The following MSI2 variants were observed in gnomAD, a reference collection of about 807,000 sequenced individuals.
MSI2 encodes the protein RNA-binding protein Musashi homolog 2.
MSI2 carries 17 observed loss-of-function variants against 45.6 expected under a neutral mutation model. The ratio of observed to expected loss-of-function variants is 0.37; its 90% CI spans 0.26 to 0.56. The LOEUF (loss-of-function observed/expected upper bound fraction) is 0.56, where lower values mean the gene tolerates loss of function less well. Among genes scored for constraint, MSI2 ranks in the 20% least tolerant of loss-of-function variants. The pLI is 0.77. For synonymous variants in MSI2, 156 were observed against 158.2 expected, an observed-to-expected ratio of 0.99 and a Z score of 0.11; for missense variants, 293 against 444.2, an observed-to-expected ratio of 0.66 and a Z score of 3.06.
intron 9 of MSI2, 112 bp downstream of exon 9, chr17:57,616,196 A>C (rs1022666738): frequency 1.8e-4 from 132 of 726,110 alleles, no homozygotes; most frequent in Admixed American, 5.9e-4. Flanking sequence ...TCTAAGCCTC[A>C]GTTTCCTTGT....
chr17:57,538,069 T>C (rs2086958828), intron 7 of MSI2, among the ~76,000 whole-genome samples: 1 of 151,926 alleles, frequency 6.6e-6, no homozygotes, highest in Non-Finnish European at 1.5e-5. Context: ...AATCTTTTGT[T>C]TGGTCCTGTT....
At chr17:57,544,730 T>C (rs2087125937) in intron 7 of MSI2, among the ~76,000 whole-genome samples, 1 of 152,208 alleles carries the variant, frequency 6.6e-6, no homozygotes, top group Non-Finnish European at 1.5e-5. Context: ...AAATGGAAAT[T>C]GGACTGTTCT....
chr17:57,391,021 A>G (rs2083781230), intron 5 of MSI2, among the ~76,000 whole-genome samples: 1 of 152,174 alleles, frequency 6.6e-6, no homozygotes, highest in South Asian at 2.1e-4. Flanking sequence ...TTTGTGTAGA[A>G]ACCATTTTCC....
At chr17:57,691,634 T>A in the MSI2 span, among the ~76,000 whole-genome samples, 82 of 152,360 alleles carry the variant, frequency 5.4e-4, no homozygotes, top group African/African-American at 1.8e-3. Flanking sequence ...TAAAATTTTT[T>A]AAATTCCAAT....
At chr17:57,474,505 A>T (rs1044950238) in intron 6 of MSI2, among the ~76,000 whole-genome samples, 4 of 151,988 alleles carry the variant, frequency 2.6e-5, no homozygotes, top group Non-Finnish European at 5.9e-5. Context: ...GCCTTTACTC[A>T]CTACCTGCCA....
intron 6 of MSI2, among the ~76,000 whole-genome samples, chr17:57,471,384 G>A (rs929734096): frequency 4.1e-5 from 6 of 145,632 alleles, no homozygotes; most frequent in Admixed American, 7.1e-5. Flanking sequence ...TCCGCCTCCT[G>A]GGTTCAAGCC....
Position 57,675,111 on chromosome 17 carries a change from C to T in MSI2, c.930C>T (p.Phe310=), listed in dbSNP as rs777738169. 1.0e-4 allele frequency: 169 copies of T among 1,613,300 alleles called. 1 individual carries two copies. Among genetic ancestry groups the T allele is most frequent in the Admixed American group, 1.5e-4 (9 of 59,934 alleles). ...SAASPQPGSG[F]GHGIAGPLIA... ...CCAGCCCACAGCCGGGCTCGGGCTT[C>T]GGCCACGGCATAGCTGTAAGTACCT... The change falls in exon 12 of 14, where the codon TTC becomes TTT. Residue 310 remains phenylalanine, a synonymous_variant. Coordinates refer to ENST00000284073, the MANE Select transcript of MSI2 (RefSeq NM_138962.4).
intron 6 of MSI2, among the ~76,000 whole-genome samples, chr17:57,432,876 C>A (rs1421212873): frequency 6.6e-6 from 1 of 152,248 alleles, no homozygotes; most frequent in Non-Finnish European, 1.5e-5. Flanking sequence ...TGAACCCCTT[C>A]TGCTTCCTGA....
intron 5 of MSI2, among the ~76,000 whole-genome samples, chr17:57,399,935 G>A (rs72830889): frequency 0.035 from 5,330 of 152,274 alleles, 152 homozygotes; most frequent in Middle Eastern, 0.092. Context: ...GTTGAGGTGG[G>A]TCGGTTCACT....
intron 6 of MSI2, among the ~76,000 whole-genome samples, chr17:57,526,053 C>T (rs753653548): frequency 2.6e-5 from 4 of 151,936 alleles, no homozygotes; most frequent in Admixed American, 2.0e-4. Flanking sequence ...GGTGAAACCC[C>T]GTCTCTACTA....
chr17:57,643,166 G>T (rs995931033), intron 10 of MSI2, among the ~76,000 whole-genome samples: 2 of 152,138 alleles, frequency 1.3e-5, no homozygotes, highest in South Asian at 2.1e-4. Context: ...GGTTGAAAAG[G>T]TACCCTACTG....
chr17:57,286,174 C>T (rs955989596), intron 5 of MSI2, among the ~76,000 whole-genome samples: 1 of 151,090 alleles, frequency 6.6e-6, no homozygotes, highest in African/African-American at 2.4e-5. Context: ...TGTGGGGCGA[C>T]AGAACTAGTG....
chr17:57,699,497 C>T, the MSI2 span, among the ~76,000 whole-genome samples: 1 of 151,964 alleles, frequency 6.6e-6, no homozygotes, highest in Non-Finnish European at 1.5e-5. Context: ...TCCCTCAAGT[C>T]TGAGAGATAC....
At chr17:57,685,445 C>G (rs566009598), downstream of MSI2, 6 of 152,324 alleles carry the variant, frequency 3.9e-5, no homozygotes, top group South Asian at 1.2e-3. Context: ...CCCAGGAAAG[C>G]TGTATTCTCC....
At chr17:57,492,542 C>T (rs1034514828) in intron 6 of MSI2, among the ~76,000 whole-genome samples, 1 of 152,168 alleles carries the variant, frequency 6.6e-6, no homozygotes, top group Non-Finnish European at 1.5e-5. Flanking sequence ...GGGCCTCTTT[C>T]CCATGCGTCT....
chr17:57,646,446 C>G (rs772363646), intron 10 of MSI2, among the ~76,000 whole-genome samples: 7 of 152,218 alleles, frequency 4.6e-5, no homozygotes, highest in Non-Finnish European at 8.8e-5. Context: ...AACCCCAGAG[C>G]TGTGTTAGCA....
chr17:57,312,432 C>T (rs1912473614), intron 5 of MSI2, among the ~76,000 whole-genome samples: 1 of 152,164 alleles, frequency 6.6e-6, no homozygotes, highest in Non-Finnish European at 1.5e-5. Context: ...TTCAAGGCTG[C>T]AGGCTCCCTG....
intron 6 of MSI2, among the ~76,000 whole-genome samples, chr17:57,502,616 T>G (rs868325461): frequency 0.02 from 2,335 of 115,980 alleles, 200 homozygotes; most frequent in African/African-American, 0.07. Context: ...TATATATATA[T>G]ATATATATAT....
At chr17:57,647,350 G>A (rs1357578182) in intron 10 of MSI2, among the ~76,000 whole-genome samples, 1 of 150,210 alleles carries the variant, frequency 6.7e-6, no homozygotes, top group Non-Finnish European at 1.5e-5. Context: ...TTGGAAGGCT[G>A]TGACATGAGA....
Sources: allele counts gnomAD v4.1 joint callset (sites outside exome capture counted in the v4.1 genomes callset), GRCh38; gene constraint gnomAD v4.1.1; transcripts MANE v1.5; gene names NCBI Gene and HGNC (gene_info 2026-07-23, HGNC 2026-07-21).